The following RASEF variants were observed in gnomAD, a reference collection of about 807,000 sequenced individuals.
The protein encoded by RASEF is ras and EF-hand domain-containing protein.
A neutral mutation model predicts 90.1 loss-of-function variants in RASEF; 68 were observed. That is an observed-to-expected ratio of 0.75 (90% CI 0.62 to 0.92). The LOEUF (loss-of-function observed/expected upper bound fraction) is 0.92, where lower values mean the gene tolerates loss of function less well. Among genes scored for constraint, RASEF ranks in the 40% least tolerant of loss-of-function variants. RASEF has a pLI of 0.00. For missense variants in RASEF, 949 were observed against 937.2 expected, an observed-to-expected ratio of 1.01 and a Z score of -0.16; for synonymous variants, 331 against 345.2, an observed-to-expected ratio of 0.96 and a Z score of 0.46.
intron 1 of RASEF, among the ~76,000 whole-genome samples, chr9:83,037,247 T>C (rs181361637): frequency 7.2e-5 from 11 of 152,138 alleles, no homozygotes; most frequent in Admixed American, 3.9e-4. Flanking sequence ...TTGCCTGCAC[T>C]AGCAGAAGAA....
At chr9:83,202,305 A>C in the RASEF span, among the ~76,000 whole-genome samples, 2 of 152,242 alleles carry the variant, frequency 1.3e-5, no homozygotes, top group Non-Finnish European at 1.5e-5. Flanking sequence ...AATGACTCAG[A>C]GATGTAATAG....
the RASEF span, among the ~76,000 whole-genome samples, chr9:83,168,775 C>G: frequency 2.0e-5 from 3 of 152,036 alleles, no homozygotes; most frequent in Admixed American, 6.6e-5. Flanking sequence ...TCACCTCACC[C>G]CAGTTAAAAT....
intron 1 of RASEF, among the ~76,000 whole-genome samples, chr9:83,047,665 C>A (rs1256059778): frequency 6.6e-6 from 1 of 152,168 alleles, no homozygotes; most frequent in African/African-American, 2.4e-5. Flanking sequence ...TATTATACAA[C>A]AACATCTGTT....
the RASEF span, among the ~76,000 whole-genome samples, chr9:83,159,340 G>T: frequency 6.6e-6 from 1 of 152,056 alleles, no homozygotes; most frequent in Non-Finnish European, 1.5e-5. Context: ...AAAATTTTAC[G>T]AACAAGTCCC....
At chr9:83,138,092 G>A in the RASEF span, among the ~76,000 whole-genome samples, 1 of 151,626 alleles carries the variant, frequency 6.6e-6, no homozygotes, top group Admixed American at 6.6e-5. Context: ...CTACAGAATT[G>A]ACATTAGTGG....
the RASEF span, among the ~76,000 whole-genome samples, chr9:83,072,997 T>C: frequency 6.6e-6 from 1 of 152,182 alleles, no homozygotes; most frequent in Admixed American, 6.5e-5. Flanking sequence ...TTGAGTGATA[T>C]AAGTAAAATC....
the RASEF span, among the ~76,000 whole-genome samples, chr9:83,107,544 C>A: frequency 6.6e-6 from 1 of 152,160 alleles, no homozygotes; most frequent in African/African-American, 2.4e-5. Flanking sequence ...CAATTCATGC[C>A]AAGCCGGTTT....
chr9:83,079,320 A>G, the RASEF span, among the ~76,000 whole-genome samples: 1 of 152,070 alleles, frequency 6.6e-6, no homozygotes, highest in Non-Finnish European at 1.5e-5. Flanking sequence ...TCTTTTCCCC[A>G]TTGCTTGTTT....
At chr9:83,089,021 G>C in the RASEF span, among the ~76,000 whole-genome samples, 10 of 152,106 alleles carry the variant, frequency 6.6e-5, no homozygotes, top group East Asian at 1.7e-3. Flanking sequence ...TTCTGTGCTA[G>C]ATATTTTCTA....
At chr9:83,180,192 T>C in the RASEF span, among the ~76,000 whole-genome samples, 1 of 152,170 alleles carries the variant, frequency 6.6e-6, no homozygotes, top group South Asian at 2.1e-4. Context: ...AGTCCATAAC[T>C]GAGAGGAAAT....
At chr9:83,015,944 C>G in intron 3 of RASEF, 44 bp from the exon 4 acceptor site, 1 of 1,450,570 alleles carries the variant, frequency 6.9e-7, no homozygotes. Flanking sequence ...TAAGTTCACC[C>G]TCTTAACCTT....
In RASEF at chr9:83,062,999, G is replaced by A. The variant is rs1830245649; in HGVS notation, c.-132C>T. On this transcript the variant is annotated 5_prime_UTR_variant, in exon 1 of 17. Transcript: ENST00000376447. Reference sequence around the variant, plus strand: ...GCTCGTCCGGCTGGTTCGGCCACTTGAGGGAACGTCGGGCGGGGCGAGGAA... The same window carrying A: ...GCTCGTCCGGCTGGTTCGGCCACTTAAGGGAACGTCGGGCGGGGCGAGGAA... 2 of 998,876 alleles carry A rather than the reference G, an allele frequency of 2.0e-6. No individual in the cohort carries two copies. The highest frequency in any genetic ancestry group is 2.2e-5 in the South Asian group (1 of 46,364). 61.9% of individuals were successfully genotyped at this position (998,876 alleles called of 1,614,324 possible).
chr9:83,118,321 T>C, the RASEF span, among the ~76,000 whole-genome samples: 1 of 152,202 alleles, frequency 6.6e-6, no homozygotes, highest in Middle Eastern at 3.2e-3. Flanking sequence ...AGAAGGACTT[T>C]ATACCCAAAA....
chr9:83,183,439 C>T, the RASEF span, among the ~76,000 whole-genome samples: 6 of 152,002 alleles, frequency 3.9e-5, no homozygotes, highest in Non-Finnish European at 8.8e-5. Flanking sequence ...CCAATTCTTC[C>T]TATAAGAAAG....
At chr9:83,082,622 AAGAG>A in the RASEF span, among the ~76,000 whole-genome samples, 1 of 152,210 alleles carries the variant, frequency 6.6e-6, no homozygotes, top group African/African-American at 2.4e-5. Flanking sequence ...GGCAGAAAGA[AAGAG>A]AGAGAAACAG....
At chr9:83,113,279 T>G in the RASEF span, among the ~76,000 whole-genome samples, 2 of 152,208 alleles carry the variant, frequency 1.3e-5, no homozygotes, top group Non-Finnish European at 2.9e-5. Context: ...CTAATAATAC[T>G]CTTATAATTT....
intron 1 of RASEF, among the ~76,000 whole-genome samples, chr9:83,029,615 A>AGACCATGCT (rs913153156): frequency 2.1e-5 from 3 of 146,242 alleles, no homozygotes; most frequent in African/African-American, 7.6e-5. Flanking sequence ...CATGTCTCTG[A>AGACCATGCT]GACCATGCTG....
At chr9:83,066,555 A>G (rs1830283598), upstream of RASEF, among the ~76,000 whole-genome samples, 1 of 152,238 alleles carries the variant, frequency 6.6e-6, no homozygotes, top group Admixed American at 6.5e-5. Context: ...AACTGGAGAT[A>G]ACAGAGCAGG....
the RASEF span, among the ~76,000 whole-genome samples, chr9:83,085,910 G>C: frequency 6.6e-6 from 1 of 151,836 alleles, no homozygotes; most frequent in Non-Finnish European, 1.5e-5. Flanking sequence ...GGGTGACAGA[G>C]CAAGACTCCA....
Sources: allele counts gnomAD v4.1 joint callset (sites outside exome capture counted in the v4.1 genomes callset), GRCh38; gene constraint gnomAD v4.1.1; transcripts MANE v1.5; gene names NCBI Gene and HGNC (gene_info 2026-07-23, HGNC 2026-07-21).